ETV1: variants seen among roughly 807,000 people sequenced by gnomAD.
ETV1 encodes ETS translocation variant 1.
In ETV1, 27 loss-of-function variants were observed where a neutral mutation model predicts 62.3. The observed-to-expected ratio is 0.43, with a 90% CI of 0.32 to 0.60. The LOEUF (loss-of-function observed/expected upper bound fraction) is 0.60, where lower values mean the gene tolerates loss of function less well. ETV1 is among the 20% of genes least tolerant of loss of function. ETV1 has a pLI of 0.06. For missense variants in ETV1, 605 were observed against 605.8 expected (o/e 1.00, Z 0.01); for synonymous variants, 222 against 199.6 (o/e 1.11, Z -0.94).
intron 7 of ETV1, among the ~76,000 whole-genome samples, chr7:13,937,163 G>A (rs935422552): frequency 2.0e-5 from 3 of 152,224 alleles, no homozygotes; most frequent in Non-Finnish European, 2.9e-5. Flanking sequence ...TCAATGCAAC[G>A]GAATTATATC....
chr7:13,917,380 C>T (rs947482808), intron 9 of ETV1, among the ~76,000 whole-genome samples: 7 of 151,664 alleles, frequency 4.6e-5, no homozygotes, highest in Admixed American at 2.6e-4. Flanking sequence ...TGTAACGGTG[C>T]GATCTCAGCT....
intron 6 of ETV1, among the ~76,000 whole-genome samples, chr7:13,958,210 T>C (rs560133776): frequency 1.5e-4 from 23 of 152,312 alleles, no homozygotes; most frequent in African/African-American, 5.5e-4. Flanking sequence ...CATTATACCC[T>C]TTGCTTTTTT....
intron 6 of ETV1, among the ~76,000 whole-genome samples, chr7:13,974,385 C>T (rs1781197137): frequency 6.6e-6 from 1 of 152,162 alleles, no homozygotes; most frequent in East Asian, 1.9e-4. Flanking sequence ...GTCAAGGCTT[C>T]GGTTGTAGAA....
At chr7:13,973,374 T>C (rs73679055) in intron 6 of ETV1, among the ~76,000 whole-genome samples, 1,572 of 152,264 alleles carry the variant, frequency 0.01, 27 homozygotes, top group African/African-American at 0.036. Flanking sequence ...TAGAGATAGA[T>C]CCCTCTGCCC....
chr7:13,945,266 G>A (rs1788018231), intron 6 of ETV1, among the ~76,000 whole-genome samples: 2 of 152,040 alleles, frequency 1.3e-5, no homozygotes, highest in Admixed American at 1.3e-4. Context: ...CATTCAAATA[G>A]GTCCAGTAGT....
intron 6 of ETV1, among the ~76,000 whole-genome samples, chr7:13,960,866 A>T (rs1361330598): frequency 6.6e-6 from 1 of 152,160 alleles, no homozygotes; most frequent in Admixed American, 6.5e-5. Flanking sequence ...ATCTGTTATC[A>T]TATGCTGGGA....
At chr7:13,913,219 G>A (rs1583602482) in intron 9 of ETV1, among the ~76,000 whole-genome samples, 2 of 152,258 alleles carry the variant, frequency 1.3e-5, no homozygotes, top group South Asian at 2.1e-4. Context: ...TTCAACAACC[G>A]TAACAAGCTG....
At position 13,911,264 on chromosome 7, in the gene ETV1, G is replaced by T. The variant is rs1783535113; in HGVS notation, c.846C>A (p.Phe282Leu). The change falls in exon 10 of 14, where the codon TTC becomes TTA. Residue 282 changes from phenylalanine (F) to leucine (L), a missense_variant. Physicochemically the swap from Phe to Leu is conservative, Grantham distance 22 (BLOSUM62 0). Coordinates refer to ENST00000430479, the MANE Select transcript of ETV1 (RefSeq NM_004956.5). The part of the protein sequence containing the change: ...CHSIYMRQEG[F>L]LAHPSRTEGC... ...CTTCTGTTCTGCTGGGATGAGCCAG[G>T]AAGCCTTCTTGCCTCATATAAATGG... is the stretch of plus-strand genomic sequence containing the variant. The T allele has an allele frequency of 6.2e-7, 1 of 1,612,910 alleles. No individual in the cohort carries two copies. The highest frequency in any genetic ancestry group is 1.3e-5 in the African/African-American group (1 of 74,882).
intron 9 of ETV1, among the ~76,000 whole-genome samples, chr7:13,925,189 T>C (rs1316421832): frequency 6.6e-6 from 1 of 152,188 alleles, no homozygotes; most frequent in South Asian, 2.1e-4. Context: ...CCTACTCTGA[T>C]TAAGTTGCTC....
Position 13,895,614 on chromosome 7 carries a change from A to T in ETV1, c.*252T>A, listed in dbSNP as rs980494278. On this transcript the variant is annotated 3_prime_UTR_variant, in exon 14 of 14. Transcript: ENST00000430479. ...AGCCTAAGTAAAAAGTAATCCCCAA[A>T]TCCCTCTGCCCATTCACCCATTAGC... 4.4e-6 allele frequency: 2 copies of T among 455,096 alleles called. No homozygotes were observed. The highest frequency in any genetic ancestry group is 7.8e-6 in the Non-Finnish European group (2 of 255,042). 28.2% of individuals were successfully genotyped at this position (455,096 alleles called of 1,614,324 possible).
At chr7:13,928,906 T>C (rs1785757185) in intron 9 of ETV1, among the ~76,000 whole-genome samples, 2 of 151,860 alleles carry the variant, frequency 1.3e-5, no homozygotes, top group South Asian at 4.2e-4. Context: ...TGCAGTGAGC[T>C]GAGAATACAC....
chr7:13,900,751 C>A lies in ETV1; in HGVS notation c.1199G>T (p.Gly400Val). Residue 400 changes from glycine to valine, a missense_variant, in exon 13 of 14, where the codon GGA becomes GTA. By Grantham distance (109) the Gly-to-Val change is moderately radical (BLOSUM62 -3). Transcript: ENST00000430479. ...SRSLRYYYEK[G>V]IMQKVAGERY... ...TTAGCTGCTCACCTTTTGCATAATT[C>A]CTTTCTCATAGTAATAGCGGAGTGA... 1 of 1,606,326 alleles carries A rather than the reference C, an allele frequency of 6.2e-7. No individual in the cohort carries two copies. Among genetic ancestry groups the A allele is most frequent in the Non-Finnish European group, 8.5e-7 (1 of 1,175,576 alleles).
intron 6 of ETV1, among the ~76,000 whole-genome samples, chr7:13,944,370 C>T (rs1787912269): frequency 6.6e-6 from 1 of 152,168 alleles, no homozygotes. Context: ...CACAGATAGC[C>T]ATCTTCTCGC....
In ETV1 at chr7:13,893,597, T is replaced by A; in HGVS notation, c.*2269A>T. 1 of 231,526 alleles carries A rather than the reference T, an allele frequency of 4.3e-6. No individual in the cohort carries two copies. Among genetic ancestry groups the A allele is most frequent in the East Asian group, 6.1e-5 (1 of 16,318 alleles). 14.3% of individuals were successfully genotyped at this position (231,526 alleles called of 1,614,324 possible). ...CCTCACTGACTGACTAAAACTAGAC[T>A]ATTAAAAAGAAGAAAAAGGAGAAAA... On this transcript the variant is annotated 3_prime_UTR_variant, in exon 14 of 14. Transcript: ENST00000430479.
At chr7:13,977,146 T>G (rs138823217) in intron 6 of ETV1, among the ~76,000 whole-genome samples, 2 of 152,266 alleles carry the variant, frequency 1.3e-5, no homozygotes, top group African/African-American at 4.8e-5. Context: ...CCAAAGATAT[T>G]TACCAATATG....
At chr7:13,899,289 G>C (rs1434782370) in intron 13 of ETV1, among the ~76,000 whole-genome samples, 1 of 152,194 alleles carries the variant, frequency 6.6e-6, no homozygotes, top group Non-Finnish European at 1.5e-5. Flanking sequence ...CCCCAGGGTT[G>C]AGATGAAAAA....
At chr7:13,932,006 A>G (rs1160424256) in intron 8 of ETV1, among the ~76,000 whole-genome samples, 2 of 151,464 alleles carry the variant, frequency 1.3e-5, no homozygotes, top group African/African-American at 4.9e-5. Context: ...TTGAGTAAGG[A>G]TTGGAGAGCA....
chr7:13,947,607 C>G (rs1245503800), intron 6 of ETV1, among the ~76,000 whole-genome samples: 1 of 152,160 alleles, frequency 6.6e-6, no homozygotes, highest in Non-Finnish European at 1.5e-5. Flanking sequence ...GAGCCCTGGG[C>G]TCAATCTTAA....
chr7:13,938,847 C>G (rs1787121134), intron 7 of ETV1, among the ~76,000 whole-genome samples: 2 of 152,070 alleles, frequency 1.3e-5, no homozygotes, highest in Admixed American at 1.3e-4. Flanking sequence ...CTGCTTGTGC[C>G]AAGTAAAACC....
Sources: allele counts gnomAD v4.1 joint callset (sites outside exome capture counted in the v4.1 genomes callset), GRCh38; gene constraint gnomAD v4.1.1; transcripts MANE v1.5; gene names NCBI Gene and HGNC (gene_info 2026-07-23, HGNC 2026-07-21).